The following KIAA0319 variants were observed in gnomAD, a reference collection of about 807,000 sequenced individuals.
The protein encoded by KIAA0319 is KIAA0319.
KIAA0319 carries 83 observed loss-of-function variants against 108.4 expected under a neutral mutation model. That is an observed-to-expected ratio of 0.77 (90% confidence interval 0.64 to 0.92). KIAA0319 has a LOEUF of 0.92. KIAA0319 is among the 40% of genes least tolerant of loss of function. The pLI is 0.00. For synonymous variants in KIAA0319, 484 were observed against 510.4 expected (o/e 0.95, Z 0.70); for missense variants, 1,195 against 1,322.4 (o/e 0.90, Z 1.49).
intron 9 of KIAA0319, among the ~76,000 whole-genome samples, chr6:24,577,312 G>C (rs1246630808): frequency 2.0e-5 from 3 of 152,228 alleles, no homozygotes; most frequent in South Asian, 2.1e-4. Flanking sequence ...TGAATTTTCA[G>C]CTACAAAGCT....
intron 1 of KIAA0319, among the ~76,000 whole-genome samples, chr6:24,630,508 C>CAAA (rs66787757): frequency 1.1e-4 from 12 of 104,438 alleles, no homozygotes; most frequent in Non-Finnish European, 1.7e-4. Context: ...GATTCTGTCT[C>CAAA]AAAAAAAAAA....
intron 1 of KIAA0319, among the ~76,000 whole-genome samples, chr6:24,617,522 A>G (rs1582254112): frequency 6.6e-6 from 1 of 152,174 alleles, no homozygotes; most frequent in Non-Finnish European, 1.5e-5. Flanking sequence ...GGGAGCTAGA[A>G]AGCAGAGCGG....
At chr6:24,637,159 C>A (rs1776309776) in intron 1 of KIAA0319, among the ~76,000 whole-genome samples, 1 of 152,194 alleles carries the variant, frequency 6.6e-6, no homozygotes, top group African/African-American at 2.4e-5. Flanking sequence ...GTGGTCCAGT[C>A]AAAGCAAAAG....
chr6:24,618,511 G>C (rs1334854559), intron 1 of KIAA0319, among the ~76,000 whole-genome samples: 1 of 151,946 alleles, frequency 6.6e-6, no homozygotes, highest in Non-Finnish European at 1.5e-5. Context: ...CTACTCAGGA[G>C]GCTGAGGTGG....
chr6:24,554,012 T>G (rs1397064773), intron 19 of KIAA0319, among the ~76,000 whole-genome samples: 3 of 152,194 alleles, frequency 2.0e-5, no homozygotes, highest in African/African-American at 7.2e-5. Context: ...GGACCCAATT[T>G]AGAGTCAGTC....
rs1770355861 is a variant in KIAA0319 at position 24,599,919 on chromosome 6, C to A, written c.55+1130G>T. ...AGGCTCAGCGCTCGCCCTCAGCCGA[C>A]CCGCGGGAGAGTTCACTGCCTGGGG... On this transcript the variant is annotated intron_variant, in intron 2 of 20. Coordinates refer to ENST00000378214, the MANE Select transcript of KIAA0319 (RefSeq NM_014809.4). The surrounding 1 kb of genome is among the most constrained non-coding windows in gnomAD (Gnocchi z 4.1). 4 of 267,000 alleles carry A rather than the reference C, an allele frequency of 1.5e-5. No individual in the cohort carries two copies. The highest frequency in any genetic ancestry group is 1.4e-4 in the South Asian group (3 of 22,128). 16.5% of individuals were successfully genotyped at this position (267,000 alleles called of 1,614,324 possible).
chr6:24,582,216 G>T, intron 6 of KIAA0319, 33 bp downstream of exon 6: 2 of 1,177,336 alleles, frequency 1.7e-6, no homozygotes, highest in Non-Finnish European at 1.3e-6. Flanking sequence ...GTTACGCTGT[G>T]CTGTTAGACA....
intron 20 of KIAA0319, among the ~76,000 whole-genome samples, chr6:24,548,237 C>T (rs1219512149): frequency 2.0e-5 from 3 of 151,974 alleles, no homozygotes; most frequent in Admixed American, 6.6e-5. Context: ...TGTCACACTA[C>T]CAGGAAAGAT....
rs1295733341 is a variant in KIAA0319 at position 24,601,135 on chromosome 6, C to G, written c.-32G>C. The stretch of plus-strand genomic sequence containing the variant: ...CCACACAGTGGGTGATGGCAGGCTT[C>G]TGAGGCGGCCCTGAAGAGAGTTTGG... On this transcript the variant is annotated 5_prime_UTR_variant, in exon 2 of 21. Coordinates refer to ENST00000378214, the MANE Select transcript of KIAA0319 (RefSeq NM_014809.4). 6.2e-7 allele frequency: 1 copy of G among 1,613,038 alleles called. No individual in the cohort carries two copies. Among genetic ancestry groups the G allele is most frequent in the South Asian group, 1.1e-5 (1 of 90,788 alleles).
intron 1 of KIAA0319, among the ~76,000 whole-genome samples, chr6:24,636,424 A>T (rs1582358048): frequency 6.6e-6 from 1 of 152,220 alleles, no homozygotes; most frequent in African/African-American, 2.4e-5. Context: ...TTTTGCACCA[A>T]AATAAACTTG....
At chr6:24,634,199 A>T (rs73729805) in intron 1 of KIAA0319, among the ~76,000 whole-genome samples, 2,292 of 152,364 alleles carry the variant, frequency 0.015, 25 homozygotes, top group Non-Finnish European at 0.018. Flanking sequence ...AGCAGGTTTG[A>T]CAGAACTTCT....
chr6:24,631,353 TC>T (rs1374680336), intron 1 of KIAA0319, among the ~76,000 whole-genome samples: 25 of 152,306 alleles, frequency 1.6e-4, no homozygotes, highest in Non-Finnish European at 3.2e-4. Context: ...GGAGGGGATT[TC>T]CCACTCATTG....
intron 4 of KIAA0319, among the ~76,000 whole-genome samples, chr6:24,585,182 G>A (rs1767277599): frequency 6.6e-6 from 1 of 152,098 alleles, no homozygotes; most frequent in Non-Finnish European, 1.5e-5. Flanking sequence ...GGAACTACAG[G>A]AGACCAGAAC....
intron 1 of KIAA0319, among the ~76,000 whole-genome samples, chr6:24,643,626 T>C (rs565348410): frequency 6.6e-6 from 1 of 152,234 alleles, no homozygotes; most frequent in East Asian, 1.9e-4. Context: ...TGATTTGATA[T>C]CATAAATCAG....
Position 24,599,181 on chromosome 6 carries a change from G to T in KIAA0319, c.55+1868C>A. Reference sequence around the variant, plus strand: ...GGAGATCACCAACTGTAGCCAGGCCGGGGCTGACAGCCTGTACCAGGTCAA... The same window carrying T: ...GGAGATCACCAACTGTAGCCAGGCCTGGGCTGACAGCCTGTACCAGGTCAA... On this transcript the variant is annotated intron_variant, in intron 2 of 20. Coordinates refer to ENST00000378214, the MANE Select transcript of KIAA0319 (RefSeq NM_014809.4). The surrounding 1 kb of genome is among the most constrained non-coding windows in gnomAD (Gnocchi z 4.1). The T allele has an allele frequency of 1.8e-6, 1 of 553,862 alleles. No homozygotes were observed. Among genetic ancestry groups the T allele is most frequent in the Non-Finnish European group, 3.3e-6 (1 of 303,550 alleles). The allele number at this position is 553,862 out of a possible 1,614,324, so 34.3% of individuals were successfully genotyped here. A position where few individuals can be genotyped will look rare whatever the true frequency, so the allele number is the denominator to read the frequency against.
intron 18 of KIAA0319, 74 bp downstream of exon 18, chr6:24,556,533 C>T: frequency 2.0e-6 from 3 of 1,525,416 alleles, no homozygotes; most frequent in Non-Finnish European, 2.7e-6. Flanking sequence ...GAATATTAGG[C>T]AGATATTTCT....
At chr6:24,550,015 C>T (rs796664764) in intron 20 of KIAA0319, among the ~76,000 whole-genome samples, 6 of 152,270 alleles carry the variant, frequency 3.9e-5, no homozygotes, top group South Asian at 4.1e-4. Flanking sequence ...ACCTAAAGCA[C>T]GTTGAGCTCT....
chr6:24,637,385 TC>T (rs2127595024), intron 1 of KIAA0319, among the ~76,000 whole-genome samples: 1 of 152,346 alleles, frequency 6.6e-6, no homozygotes, highest in South Asian at 2.1e-4. Flanking sequence ...TTCAAGAGTT[TC>T]AATGGTAAGT....
chr6:24,645,731 C>G lies in KIAA0319; in HGVS notation c.-106+5G>C, dbSNP rs1213664413. 6.6e-6 allele frequency: 1 copy of G among 152,292 alleles called. No homozygotes were observed. The highest frequency in any genetic ancestry group is 2.4e-5 in the African/African-American group (1 of 41,336). 9.4% of individuals were successfully genotyped at this position (152,292 alleles called of 1,614,324 possible). On this transcript the variant is annotated splice_donor_5th_base_variant and intron_variant, in intron 1 of 20. Coordinates refer to ENST00000378214, the MANE Select transcript of KIAA0319 (RefSeq NM_014809.4). Reference sequence around the variant, plus strand: ...GCCAGGCGCTCTGGGAAGTAGATACCGTACCTGTGGTCACTGCTGGCGACA... The same window carrying G: ...GCCAGGCGCTCTGGGAAGTAGATACGGTACCTGTGGTCACTGCTGGCGACA...
Sources: gnomAD v4.1 joint callset for allele counts (sites outside exome capture counted in the v4.1 genomes callset) on GRCh38, gnomAD v4.1.1 for gene constraint, Gnocchi (gnomAD v3.1) non-coding constraint, MANE v1.5 for transcripts, NCBI Gene and HGNC (gene_info 2026-07-23, HGNC 2026-07-21) for gene names.